Variants in TIGD6 observed in about 807,000 individuals in gnomAD.
TIGD6 encodes the protein tigger transposable element-derived protein 6.
Under a neutral mutation model 2.6 loss-of-function variants are expected in TIGD6, and 1 was observed. The ratio of observed to expected loss-of-function variants is 0.39; its 90% CI spans 0.14 to 1.85. The LOEUF (loss-of-function observed/expected upper bound fraction) is 1.85. Among genes scored for constraint, TIGD6 ranks in the 40% most tolerant of loss-of-function variants. The pLI is 0.32. For missense variants in TIGD6, 601 were observed against 634.2 expected, an observed-to-expected ratio of 0.95 and a Z score of 0.56; for synonymous variants, 193 against 221.9, an observed-to-expected ratio of 0.87 and a Z score of 1.16.
chr5:149,994,702 G>A lies in TIGD6; in HGVS notation c.*81C>T. Reference sequence around the variant, plus strand: ...ACTGGAATGTTGTCACAATAACATTGCTTTACTTAAATTGGCTCAACAACC... The same window carrying A: ...ACTGGAATGTTGTCACAATAACATTACTTTACTTAAATTGGCTCAACAACC... On this transcript the variant is annotated 3_prime_UTR_variant, in exon 2 of 2. Transcript: ENST00000296736. 2.2e-6 allele frequency: 3 copies of A among 1,340,816 alleles called. No homozygotes were observed. Among genetic ancestry groups the A allele is most frequent in the Non-Finnish European group, 3.0e-6 (3 of 1,003,614 alleles). The allele number at this position is 1,340,816 out of a possible 1,614,324, so 83.1% of individuals were successfully genotyped here.
In TIGD6 at chr5:149,996,133, G is replaced by A. The variant is rs764459788; in HGVS notation, c.216C>T (p.Ser72=). The change falls in exon 2 of 2, where the codon AGC becomes AGT. Residue 72 remains serine (S), a synonymous_variant. Coordinates refer to ENST00000296736, the MANE Select transcript of TIGD6 (RefSeq NM_030953.4). ...SVGPQRKRMR[S]ALYDDIDKAV... is the part of the protein sequence containing the mutation. ...CCTTATCAATGTCATCATAAAGAGCGCTCCTCATCCTTTTCCGCTGGGGTC... is the reference window on the plus strand; with the variant it reads ...CCTTATCAATGTCATCATAAAGAGCACTCCTCATCCTTTTCCGCTGGGGTC... 2.0e-5 allele frequency: 32 copies of A among 1,612,904 alleles called. No individual in the cohort carries two copies. The highest frequency in any genetic ancestry group is 3.3e-4 in the Middle Eastern group (2 of 6,084).
Position 149,995,097 on chromosome 5 carries a change from G to T in TIGD6, c.1252C>A (p.Gln418Lys), listed in dbSNP as rs771902241. ...TCATCATCTGCAGTAACAAAGTCCTGGAAATTTACTTCATTTGGGACACAG... is the reference window on the plus strand; with the variant it reads ...TCATCATCTGCAGTAACAAAGTCCTTGAAATTTACTTCATTTGGGACACAG... Reference protein sequence around the residue: ...ATCVPNEVNFQDFVTADDDLI... With the variant: ...ATCVPNEVNFKDFVTADDDLI... Residue 418 changes from glutamine (Q) to lysine (K), a missense_variant, in exon 2 of 2, where the codon CAG becomes AAG. Transcript: ENST00000296736. 4.3e-6 allele frequency: 7 copies of T among 1,614,100 alleles called. No homozygotes were observed. Among genetic ancestry groups the T allele is most frequent in the East Asian group, 2.2e-5 (1 of 44,890 alleles).
intron 1 of TIGD6, among the ~76,000 whole-genome samples, chr5:149,997,394 C>T (rs989958363): frequency 1.3e-5 from 2 of 152,004 alleles, no homozygotes; most frequent in Non-Finnish European, 2.9e-5. Context: ...AAAAATTAGC[C>T]GGGCGTGGTG....
At chr5:149,999,229 G>C (rs1755475013) in intron 1 of TIGD6, among the ~76,000 whole-genome samples, 4 of 152,176 alleles carry the variant, frequency 2.6e-5, no homozygotes, top group African/African-American at 4.8e-5. Flanking sequence ...TTACAATATA[G>C]TCTTTTGGTT....
In TIGD6 at chr5:149,999,525, C is replaced by CCCTGT. The variant is rs544399604; in HGVS notation, c.-82+944_-82+948dup. Among the ~76,000 whole-genome samples, 635 of 152,178 alleles carry CCCTGT rather than the reference C, an allele frequency of 4.2e-3. 3 individuals carry two copies. The highest frequency in any genetic ancestry group is 0.015 in the African/African-American group (606 of 41,514). ...CAGTCTGGGGCTATGTTTTTGCAAGCCCTGTGCTGGACCGGATGTGAGGTG... is the reference window on the plus strand; with the variant it reads ...CAGTCTGGGGCTATGTTTTTGCAAGCCCTGTCCTGTGCTGGACCGGATGTGAGGTG... On this transcript the variant is annotated intron_variant, in intron 1 of 1. Coordinates refer to ENST00000296736, the MANE Select transcript of TIGD6 (RefSeq NM_030953.4).
Position 149,994,998 on chromosome 5 carries a change from C to T in TIGD6, c.1351G>A (p.Glu451Lys), listed in dbSNP as rs773167582. 16 of 1,613,958 alleles carry T rather than the reference C, an allele frequency of 9.9e-6. No individual in the cohort carries two copies. Among genetic ancestry groups the T allele is most frequent in the Non-Finnish European group, 1.4e-5 (16 of 1,179,832 alleles). The change falls in exon 2 of 2, where the codon GAA becomes AAA. Residue 451 changes from glutamate to lysine, a missense_variant. Transcript: ENST00000296736. ...AGENTSEAGS[E>K]DEGEVSLPEQ... ...GGTAAAGATACCTCCCCTTCATCTTCACTTCCTGCTTCACTGGTATTTTCG... is the reference window on the plus strand; with the variant it reads ...GGTAAAGATACCTCCCCTTCATCTTTACTTCCTGCTTCACTGGTATTTTCG...
chr5:149,996,211 T>C lies in TIGD6; in HGVS notation c.138A>G (p.Thr46=), dbSNP rs755853996. Residue 46 remains threonine (T), a synonymous_variant, in exon 2 of 2, where the codon ACA becomes ACG. Transcript: ENST00000296736. The stretch of plus-strand genomic sequence containing the variant: ...CAAATTTGGTGCGATCCTTTAAGAA[T>C]GTAGATAAAGTAGAGGGAGTGATAC... ...EFGITPSTLS[T]FLKDRTKFEE... The C allele has an allele frequency of 6.2e-7, 1 of 1,614,184 alleles. No individual in the cohort carries two copies.
chr5:149,996,510 T>A, intron 1 of TIGD6, 81 bp from the exon 2 acceptor site: 2 of 1,037,350 alleles, frequency 1.9e-6, no homozygotes, highest in Non-Finnish European at 2.7e-6. Flanking sequence ...CAAATTGTAT[T>A]AGGAAAGGAC....
chr5:149,996,624 A>G (rs1195391097), intron 1 of TIGD6, among the ~76,000 whole-genome samples, 195 bp from the exon 2 acceptor site: 1 of 152,268 alleles, frequency 6.6e-6, no homozygotes, highest in Non-Finnish European at 1.5e-5. Context: ...GATCTTATCT[A>G]GCTTACTTAA....
chr5:149,997,448 G>C (rs1486088736), intron 1 of TIGD6, among the ~76,000 whole-genome samples: 1 of 151,926 alleles, frequency 6.6e-6, no homozygotes, highest in African/African-American at 2.4e-5. Context: ...TAAGGCAGGA[G>C]AATCACTTGA....
Position 149,994,633 on chromosome 5 carries a change from T to A in TIGD6, c.*150A>T. The A allele has an allele frequency of 1.4e-6, 1 of 689,916 alleles. No individual in the cohort carries two copies. The highest frequency in any genetic ancestry group is 2.2e-6 in the Non-Finnish European group (1 of 455,408). 42.7% of individuals were successfully genotyped at this position (689,916 alleles called of 1,614,324 possible). Reference sequence around the variant, plus strand: ...AACAAAAGAAAAGAAAACACACATATTAGTCAAATTCCATTCAAAGAAGTT... The same window carrying A: ...AACAAAAGAAAAGAAAACACACATAATAGTCAAATTCCATTCAAAGAAGTT... On this transcript the variant is annotated 3_prime_UTR_variant, in exon 2 of 2. Coordinates refer to ENST00000296736, the MANE Select transcript of TIGD6 (RefSeq NM_030953.4).
At position 149,995,550 on chromosome 5, in the gene TIGD6, G is replaced by C; in HGVS notation, c.799C>G (p.Gln267Glu). The C allele has an allele frequency of 6.2e-7, 1 of 1,614,228 alleles. No individual in the cohort carries two copies. The highest frequency in any genetic ancestry group is 8.5e-7 in the Non-Finnish European group (1 of 1,180,036). The change falls in exon 2 of 2, where the codon CAA becomes GAA. Residue 267 changes from glutamine to glutamate, a missense_variant. By Grantham distance (29) the Gln-to-Glu change is conservative (BLOSUM62 2). Transcript: ENST00000296736. ...GCCCTCTTCATCCTGGCATCCACTT[G>C]CATCAGCCACTCATTAAACAGATCC... is the stretch of plus-strand genomic sequence containing the variant. ...TRDLFNEWLMQVDARMKRAER... is the reference protein window; with the variant it reads ...TRDLFNEWLMEVDARMKRAER...
At position 149,994,244 on chromosome 5, in the gene TIGD6, C is replaced by G. The variant is rs773374090; in HGVS notation, c.*539G>C. ...CACCTGAGGTCTACTGTATCAAACTCTGGGGGTGGGCCTAGCAGCCTTGGG... is the reference window on the plus strand; with the variant it reads ...CACCTGAGGTCTACTGTATCAAACTGTGGGGGTGGGCCTAGCAGCCTTGGG... On this transcript the variant is annotated 3_prime_UTR_variant, in exon 2 of 2. Coordinates refer to ENST00000296736, the MANE Select transcript of TIGD6 (RefSeq NM_030953.4). 6.6e-6 allele frequency: 1 copy of G among 152,222 alleles called. No individual in the cohort carries two copies. The highest frequency in any genetic ancestry group is 1.5e-5 in the Non-Finnish European group (1 of 68,090). The allele number at this position is 152,222 out of a possible 1,614,324, so 9.4% of individuals were successfully genotyped here.
chr5:149,998,442 G>A (rs1464615905), intron 1 of TIGD6, among the ~76,000 whole-genome samples: 2 of 152,064 alleles, frequency 1.3e-5, no homozygotes, highest in East Asian at 3.9e-4. Flanking sequence ...TTGGACCCTA[G>A]ATAGGTGCTT....
In TIGD6 at chr5:149,994,940, A is replaced by G. The variant is rs1755340123; in HGVS notation, c.1409T>C (p.Ile470Thr). Residue 470 changes from isoleucine (I) to threonine (T), a missense_variant, in exon 2 of 2, where the codon ATA becomes ACA. Ile to Thr is a moderately conservative substitution (Grantham distance 89). Coordinates refer to ENST00000296736, the MANE Select transcript of TIGD6 (RefSeq NM_030953.4). ...CTGTCTAAGTTTCTGTACACTTGAT[A>G]TGGCTTCTGTGATGGTGACTTTTGG... is the stretch of plus-strand genomic sequence containing the variant. ...EQPKVTITEA[I>T]SSVQKLRQFL... The G allele has an allele frequency of 1.2e-6, 2 of 1,612,696 alleles. No individual in the cohort carries two copies. Among genetic ancestry groups the G allele is most frequent in the Non-Finnish European group, 1.7e-6 (2 of 1,178,978 alleles).
rs767130251 is a variant in TIGD6 at position 149,996,160 on chromosome 5, C to CA, written c.188dup (p.Pro65ThrfsTer12). 5.6e-6 allele frequency: 9 copies of CA among 1,613,320 alleles called. No individual in the cohort carries two copies. In the Admixed American group the frequency reaches 1.5e-4, roughly 27 times the overall value. On this transcript the variant is annotated frameshift_variant, in exon 2 of 2. Coordinates refer to ENST00000296736, the MANE Select transcript of TIGD6 (RefSeq NM_030953.4). LOFTEE classifies it low-confidence loss of function (END_TRUNC). Reference sequence around the variant, plus strand: ...TCCTCATCCTTTTCCGCTGGGGTCCCACGGATGCCTCCCGCACCTTTTCTT... The same window carrying CA: ...TCCTCATCCTTTTCCGCTGGGGTCCCAACGGATGCCTCCCGCACCTTTTCTT...
At chr5:149,997,215 A>G (rs539970632) in intron 1 of TIGD6, among the ~76,000 whole-genome samples, 4 of 152,362 alleles carry the variant, frequency 2.6e-5, no homozygotes, top group Admixed American at 2.6e-4. Context: ...GAGATCTCCA[A>G]GAATATGGGG....
chr5:149,995,895 T>C lies in TIGD6; in HGVS notation c.454A>G (p.Ile152Val), dbSNP rs1356092605. The C allele has an allele frequency of 2.5e-6, 4 of 1,614,200 alleles. No individual in the cohort carries two copies. Among genetic ancestry groups the C allele is most frequent in the Non-Finnish European group, 2.5e-6 (3 of 1,180,050 alleles). ...DSDRLMNGLGIDKINEWHAGE... is the reference protein window; with the variant it reads ...DSDRLMNGLGVDKINEWHAGE... ...GCATGCCACTCATTAATCTTATCTA[T>C]TCCTAGACCATTCATTAACCTGTCA... is the stretch of plus-strand genomic sequence containing the variant. The change falls in exon 2 of 2, where the codon ATA becomes GTA. Residue 152 changes from isoleucine (I) to valine (V), a missense_variant. Physicochemically the swap from Ile to Val is conservative, Grantham distance 29. Coordinates refer to ENST00000296736, the MANE Select transcript of TIGD6 (RefSeq NM_030953.4).
chr5:149,995,752 G>C lies in TIGD6; in HGVS notation c.597C>G (p.His199Gln). ...PQHTLAAKGD[H>Q]CRGGKKAKQR... ...GCTTTGCTTTCTTGCCCCCTCTACA[G>C]TGGTCTCCTTTAGCAGCAAGTGTGT... Residue 199 changes from histidine to glutamine, a missense_variant, in exon 2 of 2, where the codon CAC becomes CAG. Physicochemically the swap from His to Gln is conservative, Grantham distance 24. Transcript: ENST00000296736. 6.2e-7 allele frequency: 1 copy of C among 1,614,196 alleles called. No individual in the cohort carries two copies. The highest frequency in any genetic ancestry group is 8.5e-7 in the Non-Finnish European group (1 of 1,180,050).
Sources: gnomAD v4.1 joint callset for allele counts (sites outside exome capture counted in the v4.1 genomes callset) on GRCh38, gnomAD v4.1.1 for gene constraint, MANE v1.5 for transcripts, NCBI Gene and HGNC (gene_info 2026-07-23, HGNC 2026-07-21) for gene names.